TMEM232: variants seen among roughly 807,000 people sequenced by gnomAD.
The protein encoded by TMEM232 is transmembrane protein 232.
A neutral mutation model predicts 78.8 loss-of-function variants in TMEM232; 80 were observed. The ratio of observed to expected loss-of-function variants is 1.01; its 90% confidence interval spans 0.85 to 1.22. TMEM232 has a LOEUF of 1.22. Ranked by LOEUF, TMEM232 falls within the 50% of genes most tolerant of loss-of-function variation. TMEM232 has a pLI of 0.00. For synonymous variants in TMEM232, 297 were observed against 254.3 expected (o/e 1.17, Z -1.60); for missense variants, 881 against 742.2 (o/e 1.19, Z -2.17).
At position 110,403,189 on chromosome 5, in the gene TMEM232, C is replaced by A. The variant is rs976055332; in HGVS notation, n.309-5335G>T. Among the ~76,000 whole-genome samples the A allele has an allele frequency of 2.0e-5, 3 of 152,056 alleles. No homozygotes were observed. The South Asian group carries it at 6.2e-4, about 32-fold the overall frequency. ...AAGTCTCAGTCTTGGTATTTCAATT[C>A]CAGAGAAAATTTTTTAGTAACAAAA... On this transcript the variant is annotated intron_variant and non_coding_transcript_variant, in intron 2 of 8. Coordinates refer to the TMEM232 transcript ENST00000507188.
At chr5:110,612,922 C>T (rs1782491127) in intron 8 of TMEM232, among the ~76,000 whole-genome samples, 1 of 152,102 alleles carries the variant, frequency 6.6e-6, no homozygotes, top group Non-Finnish European at 1.5e-5. Context: ...AAAGGCCAAA[C>T]CACAGGGTGG....
chr5:110,462,396 G>A (rs906958696), intron 12 of TMEM232, among the ~76,000 whole-genome samples: 1 of 152,190 alleles, frequency 6.6e-6, no homozygotes, highest in African/African-American at 2.4e-5. Flanking sequence ...GACTGGAAAA[G>A]GCAGACCCCC....
intron 10 of TMEM232, among the ~76,000 whole-genome samples, chr5:110,600,513 C>T (rs1780752897): frequency 1.3e-5 from 2 of 152,102 alleles, no homozygotes; most frequent in Non-Finnish European, 2.9e-5. Context: ...TACAAACTAC[C>T]ATCAGAGAAT....
intron 1 of TMEM232, among the ~76,000 whole-genome samples, chr5:110,707,652 G>T (rs1025622428): frequency 6.6e-6 from 1 of 152,196 alleles, no homozygotes; most frequent in Non-Finnish European, 1.5e-5. Flanking sequence ...GACTAGAGTG[G>T]CACCAGCCTA....
intron 12 of TMEM232, among the ~76,000 whole-genome samples, chr5:110,473,809 A>G (rs1167835222): frequency 6.7e-6 from 1 of 149,182 alleles, no homozygotes; most frequent in African/African-American, 2.5e-5. Flanking sequence ...GTCAAATTCA[A>G]AAAAAAAGAG....
intron 11 of TMEM232, among the ~76,000 whole-genome samples, chr5:110,539,735 G>A (rs1772861935): frequency 6.6e-6 from 1 of 152,154 alleles, no homozygotes; most frequent in Non-Finnish European, 1.5e-5. Flanking sequence ...CCCAACCAAG[G>A]AAGCTTCTGA....
rs1756670680 is a variant in TMEM232 at position 110,421,777 on chromosome 5, G to C, written c.1798-1021C>G. 1.3e-5 allele frequency among the ~76,000 whole-genome samples: 2 copies of C among 152,102 alleles called. 1 individual carries two copies. The highest frequency in any genetic ancestry group is 4.1e-4 in the South Asian group (2 of 4,824). On this transcript the variant is annotated intron_variant, in intron 13 of 13. Transcript: ENST00000455884. Reference sequence around the variant, plus strand: ...AGCATGTCACTCAGCTTTGACGAATGCATTAAAATTGTGTATAATGTTAAT... The same window carrying C: ...AGCATGTCACTCAGCTTTGACGAATCCATTAAAATTGTGTATAATGTTAAT...
chr5:110,686,859 A>G (rs1019745313), intron 1 of TMEM232, among the ~76,000 whole-genome samples: 2 of 152,158 alleles, frequency 1.3e-5, no homozygotes, highest in Non-Finnish European at 2.9e-5. Flanking sequence ...CATGAGACCA[A>G]GGCTCTGTCT....
chr5:110,737,707 C>T lies in TMEM232; in HGVS notation c.-126+286G>A, dbSNP rs142210452. Among the ~76,000 whole-genome samples the T allele has an allele frequency of 4.5e-3, 690 of 152,196 alleles. 10 individuals carry two copies. The highest frequency in any genetic ancestry group is 0.016 in the African/African-American group (651 of 41,510). On this transcript the variant is annotated intron_variant, in intron 1 of 4. Transcript: ENST00000512886. ...CTCATATTTCTGATTTGCCTTTATT[C>T]ATTGGTATGAACTCTTTGTACATTA...
At chr5:110,503,677 C>T (rs1766528665) in intron 12 of TMEM232, among the ~76,000 whole-genome samples, 1 of 152,160 alleles carries the variant, frequency 6.6e-6, no homozygotes, top group African/African-American at 2.4e-5. Context: ...GTTGAAATTC[C>T]ATGGGATTAA....
chr5:110,442,180 T>A (rs921818901), intron 12 of TMEM232, among the ~76,000 whole-genome samples: 1 of 152,198 alleles, frequency 6.6e-6, no homozygotes, highest in African/African-American at 2.4e-5. Flanking sequence ...GGAAGTTCTA[T>A]GATATATCTC....
chr5:110,426,404 T>A (rs1228518767), intron 12 of TMEM232, among the ~76,000 whole-genome samples: 3 of 152,082 alleles, frequency 2.0e-5, no homozygotes. Flanking sequence ...AATGTTTGTA[T>A]GTTTGCTGAA....
At position 110,606,233 on chromosome 5, in the gene TMEM232, C is replaced by T. The variant is rs1029050388; in HGVS notation, c.957G>A (p.Met319Ile). The T allele has an allele frequency of 4.1e-5, 64 of 1,543,684 alleles. 1 individual carries two copies. The highest frequency in any genetic ancestry group is 5.4e-5 in the Non-Finnish European group (62 of 1,141,498). Reference sequence around the variant, plus strand: ...CGTCCATTAAAGCTTTCAAGCAGGCCATGTTTAATTTGGCAGCCTCCCCAA... The same window carrying T: ...CGTCCATTAAAGCTTTCAAGCAGGCTATGTTTAATTTGGCAGCCTCCCCAA... Reference protein sequence around the residue: ...LVLGEAAKLNMACLKALMDVV... With the variant: ...LVLGEAAKLNIACLKALMDVV... The change falls in exon 9 of 14, where the codon ATG (methionine) becomes ATA (isoleucine). Residue 319 changes from methionine to isoleucine, a missense_variant. Met to Ile is a conservative substitution (Grantham distance 10). Transcript: ENST00000455884.
chr5:110,528,105 A>G (rs1212368686), intron 12 of TMEM232, among the ~76,000 whole-genome samples: 2 of 151,952 alleles, frequency 1.3e-5, no homozygotes, highest in Non-Finnish European at 2.9e-5. Context: ...ACTTTAATAA[A>G]TTGTTCCTAA....
intron 11 of TMEM232, among the ~76,000 whole-genome samples, chr5:110,552,298 A>AC (rs1333610222): frequency 6.6e-6 from 1 of 152,094 alleles, no homozygotes. Context: ...TAGAGGAAAA[A>AC]ATACAATGAT....
chr5:110,396,332 G>T (rs533774131), intron 3 of TMEM232, among the ~76,000 whole-genome samples: 2 of 151,958 alleles, frequency 1.3e-5, no homozygotes, highest in Non-Finnish European at 2.9e-5. Context: ...ATTTGGGTGG[G>T]GACACAAAAC....
intron 12 of TMEM232, among the ~76,000 whole-genome samples, chr5:110,509,368 T>A (rs1767427008): frequency 6.6e-6 from 1 of 152,010 alleles, no homozygotes; most frequent in Non-Finnish European, 1.5e-5. Flanking sequence ...GCCCAGGAGT[T>A]TGAGTCTGCT....
intron 2 of TMEM232, among the ~76,000 whole-genome samples, chr5:110,647,188 G>A (rs1316835006): frequency 6.6e-6 from 1 of 151,804 alleles, no homozygotes; most frequent in Non-Finnish European, 1.5e-5. Flanking sequence ...ATGTCCTTTT[G>A]TACAGCTGCA....
intron 10 of TMEM232, among the ~76,000 whole-genome samples, chr5:110,602,598 A>G (rs1781058898): frequency 6.6e-6 from 1 of 152,230 alleles, no homozygotes; most frequent in Non-Finnish European, 1.5e-5. Flanking sequence ...ATGAGATACT[A>G]TCTCATACCA....
Sources: allele counts gnomAD v4.1 joint callset (sites outside exome capture counted in the v4.1 genomes callset), GRCh38; gene constraint gnomAD v4.1.1; transcripts MANE v1.5; gene names NCBI Gene and HGNC (gene_info 2026-07-23, HGNC 2026-07-21).